PTBP3: variants seen among roughly 807,000 people sequenced by gnomAD.
PTBP3 encodes the protein polypyrimidine tract-binding protein 3.
PTBP3 carries 20 observed loss-of-function variants against 58.7 expected under a neutral mutation model. The observed-to-expected ratio is 0.34, with a 90% CI of 0.24 to 0.50. PTBP3 has a LOEUF of 0.50. PTBP3 is among the 20% of genes least tolerant of loss of function. PTBP3 has a pLI of 0.98. For synonymous variants in PTBP3, 185 were observed against 219.8 expected, an observed-to-expected ratio of 0.84 and a Z score of 1.40; for missense variants, 509 against 637.2, an observed-to-expected ratio of 0.80 and a Z score of 2.17.
At chr9:112,356,796 G>GCA in the PTBP3 span, among the ~76,000 whole-genome samples, 1,435 of 62,514 alleles carry the variant, frequency 0.023, 23 homozygotes, top group African/African-American at 0.058. Context: ...TTGCGTGTGC[G>GCA]CACACACACA....
chr9:112,220,015 T>A lies in PTBP3; in HGVS notation c.*3836A>T. On this transcript the variant is annotated 3_prime_UTR_variant, in exon 14 of 14. Coordinates refer to ENST00000374257, the MANE Select transcript of PTBP3 (RefSeq NM_001163788.4). ...CTTTCAGCACAATAGTAGAGTATTTTGAGTCTGGCAGTTTTGTTCTCATTA... is the reference window on the plus strand; with the variant it reads ...CTTTCAGCACAATAGTAGAGTATTTAGAGTCTGGCAGTTTTGTTCTCATTA... 1.0e-6 allele frequency: 1 copy of A among 978,102 alleles called. No individual in the cohort carries two copies. The highest frequency in any genetic ancestry group is 1.3e-6 in the Non-Finnish European group (1 of 775,066). 60.6% of individuals were successfully genotyped at this position (978,102 alleles called of 1,614,324 possible).
intron 3 of PTBP3, among the ~76,000 whole-genome samples, chr9:112,274,572 C>T (rs1473785320): frequency 6.6e-6 from 1 of 152,170 alleles, no homozygotes; most frequent in Non-Finnish European, 1.5e-5. Context: ...GTCATGGTCA[C>T]CACAGAAACA....
chr9:112,247,392 C>T (rs578025979), intron 7 of PTBP3, among the ~76,000 whole-genome samples: 9 of 151,730 alleles, frequency 5.9e-5, no homozygotes, highest in East Asian at 1.9e-4. Context: ...TAAATTAGCC[C>T]GATACTTGTT....
At chr9:112,376,400 T>G in the PTBP3 span, among the ~76,000 whole-genome samples, 1 of 151,450 alleles carries the variant, frequency 6.6e-6, no homozygotes, top group Non-Finnish European at 1.5e-5. Flanking sequence ...ACTACAGGTG[T>G]GTGCTACCAC....
chr9:112,259,996 C>A (rs752908762), intron 5 of PTBP3, among the ~76,000 whole-genome samples: 6 of 152,082 alleles, frequency 3.9e-5, no homozygotes, highest in African/African-American at 7.2e-5. Context: ...CAATCTCAGC[C>A]TCCTGGGTAC....
In PTBP3 at chr9:112,219,271, G is replaced by A. The variant is rs528864605; in HGVS notation, c.*4580C>T. 1 of 152,564 alleles carries A rather than the reference G, an allele frequency of 6.6e-6. No individual in the cohort carries two copies. The highest frequency in any genetic ancestry group is 6.5e-5 in the Admixed American group (1 of 15,274). The allele number at this position is 152,564 out of a possible 1,614,324, so 9.5% of individuals were successfully genotyped here. On this transcript the variant is annotated 3_prime_UTR_variant, in exon 14 of 14. Coordinates refer to ENST00000374257, the MANE Select transcript of PTBP3 (RefSeq NM_001163788.4). ...CTGGATATGGGATGAATTTTTAAAA[G>A]ATCTGGGAAACAACAGTAAGGGGGA...
At chr9:112,247,079 T>C (rs997294717) in intron 7 of PTBP3, among the ~76,000 whole-genome samples, 4 of 151,400 alleles carry the variant, frequency 2.6e-5, no homozygotes, top group Admixed American at 2.6e-4. Context: ...AAAGTAAAAA[T>C]AAAAATTAGC....
intron 1 of PTBP3, among the ~76,000 whole-genome samples, chr9:112,322,925 C>G (rs923230762): frequency 2.6e-5 from 4 of 152,190 alleles, no homozygotes; most frequent in Non-Finnish European, 4.4e-5. Context: ...ACCCAAGAGT[C>G]AGGACCAAGG....
chr9:112,254,152 T>C (rs1337624651), intron 5 of PTBP3, among the ~76,000 whole-genome samples: 1 of 152,070 alleles, frequency 6.6e-6, no homozygotes, highest in Non-Finnish European at 1.5e-5. Context: ...GCTAATTTTT[T>C]ATTTTTAAGG....
chr9:112,283,607 G>A (rs1402468970), intron 2 of PTBP3, among the ~76,000 whole-genome samples: 1 of 152,208 alleles, frequency 6.6e-6, no homozygotes, highest in Non-Finnish European at 1.5e-5. Flanking sequence ...CCATGTGGTA[G>A]AAAAGAAAAA....
intron 7 of PTBP3, among the ~76,000 whole-genome samples, chr9:112,236,613 A>T (rs1050896037): frequency 4.6e-5 from 7 of 152,132 alleles, no homozygotes; most frequent in Non-Finnish European, 1.0e-4. Context: ...CCAAATATTC[A>T]CTTGCCCCCT....
chr9:112,374,799 C>T, the PTBP3 span, among the ~76,000 whole-genome samples: 1 of 152,230 alleles, frequency 6.6e-6, no homozygotes, highest in African/African-American at 2.4e-5. Context: ...GATAGGCAAA[C>T]CCATATCCAG....
intron 5 of PTBP3, among the ~76,000 whole-genome samples, chr9:112,258,838 T>G (rs995730315): frequency 9.2e-5 from 14 of 152,158 alleles, no homozygotes; most frequent in African/African-American, 3.4e-4. Context: ...AGACCCTATC[T>G]CTAATTTTAA....
At chr9:112,372,073 G>T in the PTBP3 span, among the ~76,000 whole-genome samples, 4 of 151,914 alleles carry the variant, frequency 2.6e-5, no homozygotes, top group African/African-American at 9.7e-5. Flanking sequence ...TTCTTCCATA[G>T]ATTCTTTTTT....
At chr9:112,232,272 A>C (rs1295938284) in intron 8 of PTBP3, 34 bp from the exon 9 acceptor site, 4 of 1,532,952 alleles carry the variant, frequency 2.6e-6, no homozygotes, top group Non-Finnish European at 3.5e-6. Flanking sequence ...TCATATTCTA[A>C]TTATTTGAAG....
chr9:112,239,632 G>A (rs1024639858), intron 7 of PTBP3, among the ~76,000 whole-genome samples: 1 of 151,946 alleles, frequency 6.6e-6, no homozygotes. Context: ...TCAGGAGGCT[G>A]AGGTGGAAGG....
Position 112,314,064 on chromosome 9 carries a change from A to ATT in PTBP3, c.-51-16150_-51-16149dup, listed in dbSNP as rs530634132. Reference sequence around the variant, plus strand: ...AGGCATTCTAAGTAATCTAGAGGTGATTTAAAGTATACAGCAGGATGTGCT... The same window carrying ATT: ...AGGCATTCTAAGTAATCTAGAGGTGATTTTTAAAGTATACAGCAGGATGTGCT... On this transcript the variant is annotated intron_variant, in intron 1 of 13. Coordinates refer to ENST00000374257, the MANE Select transcript of PTBP3 (RefSeq NM_001163788.4). Among the ~76,000 whole-genome samples the ATT allele has an allele frequency of 1.6e-4, 24 of 152,350 alleles. No homozygotes were observed. In the South Asian group the frequency reaches 4.8e-3, roughly 30 times the overall value.
At chr9:112,326,415 G>T (rs1226438544) in intron 1 of PTBP3, among the ~76,000 whole-genome samples, 4 of 152,200 alleles carry the variant, frequency 2.6e-5, no homozygotes, top group Non-Finnish European at 5.9e-5. Flanking sequence ...GAGCACAGCT[G>T]TGTTTCAGTA....
At chr9:112,326,033 G>C in intron 1 of PTBP3, among the ~76,000 whole-genome samples, 1 of 132,600 alleles carries the variant, frequency 7.5e-6, no homozygotes, top group East Asian at 2.2e-4. Flanking sequence ...AACAAAACAG[G>C]TAAAACTAAT....
Sources: allele counts gnomAD v4.1 joint callset (sites outside exome capture counted in the v4.1 genomes callset), GRCh38; gene constraint gnomAD v4.1.1; transcripts MANE v1.5; gene names NCBI Gene and HGNC (gene_info 2026-07-23, HGNC 2026-07-21).